The following ARGLU1 variants were observed in gnomAD, a reference collection of about 807,000 sequenced individuals.
ARGLU1 encodes the protein arginine and glutamate rich 1, also known as arginine and glutamate-rich protein 1.
Under a neutral mutation model 37.6 loss-of-function variants are expected in ARGLU1, and 9 were observed. The ratio of observed to expected loss-of-function variants is 0.24; its 90% CI spans 0.14 to 0.42. ARGLU1 has a LOEUF of 0.42. Ranked by LOEUF, ARGLU1 falls within the 10% of genes least tolerant of loss-of-function variation. The pLI, the probability that ARGLU1 is intolerant of heterozygous loss-of-function variation, is 1.00. For missense variants in ARGLU1, 211 were observed against 359.2 expected, an observed-to-expected ratio of 0.59 and a Z score of 3.34; for synonymous variants, 166 against 138.5, an observed-to-expected ratio of 1.20 and a Z score of -1.39.
rs1269451668 is a variant in ARGLU1 at position 106,543,024 on chromosome 13, C to G, written c.*972G>C. The G allele has an allele frequency of 6.6e-6, 1 of 151,904 alleles. No individual in the cohort carries two copies. Among genetic ancestry groups the G allele is most frequent in the Non-Finnish European group, 1.5e-5 (1 of 67,890 alleles). The allele number at this position is 151,904 out of a possible 1,614,324, so 9.4% of individuals were successfully genotyped here. A position where few individuals can be genotyped will look rare whatever the true frequency, so the allele number is the denominator to read the frequency against. ...ATTTTTCTAGCCTTTATTAAGTATA[C>G]TTTGTGATAATACTTATATCCTAAA... On this transcript the variant is annotated 3_prime_UTR_variant, in exon 4 of 4. Transcript: ENST00000400198.
intron 1 of ARGLU1, among the ~76,000 whole-genome samples, chr13:106,564,831 T>C (rs933392794): frequency 2.6e-5 from 4 of 152,136 alleles, no homozygotes; most frequent in Non-Finnish European, 5.9e-5. Context: ...TTATCCCCTT[T>C]CCCTCTCCCT....
intron 2 of ARGLU1, 110 bp downstream of exon 2, chr13:106,559,322 G>A: frequency 6.4e-7 from 1 of 1,552,608 alleles, no homozygotes; most frequent in Non-Finnish European, 8.7e-7. Flanking sequence ...AGACGAGAAA[G>A]GAATTAGATA....
chr13:106,551,476 T>G (rs1186296044), intron 3 of ARGLU1, among the ~76,000 whole-genome samples: 1 of 152,218 alleles, frequency 6.6e-6, no homozygotes, highest in African/African-American at 2.4e-5. Context: ...AAATCCATAT[T>G]TTTGCCAACA....
At chr13:106,550,101 T>C (rs1880498136) in intron 3 of ARGLU1, among the ~76,000 whole-genome samples, 4 of 152,198 alleles carry the variant, frequency 2.6e-5, no homozygotes, top group African/African-American at 9.6e-5. Context: ...TAGGGATACC[T>C]GGCATGAGTT....
chr13:106,542,933 G>A lies in ARGLU1; in HGVS notation c.*1063C>T, dbSNP rs1880298957. The A allele has an allele frequency of 6.6e-6, 1 of 151,792 alleles. No individual in the cohort carries two copies. Among genetic ancestry groups the A allele is most frequent in the Non-Finnish European group, 1.5e-5 (1 of 67,902 alleles). The allele number at this position is 151,792 out of a possible 1,614,324, so 9.4% of individuals were successfully genotyped here. On this transcript the variant is annotated 3_prime_UTR_variant, in exon 4 of 4. Coordinates refer to ENST00000400198, the MANE Select transcript of ARGLU1 (RefSeq NM_018011.4). ...CGACCATCTTAGCCTTTTTTTGACAGTATAAAGCTAAGTTCTTTCTGATGG... is the reference window on the plus strand; with the variant it reads ...CGACCATCTTAGCCTTTTTTTGACAATATAAAGCTAAGTTCTTTCTGATGG...
At position 106,544,082 on chromosome 13, in the gene ARGLU1, G is replaced by A. The variant is rs1200800227; in HGVS notation, c.736C>T (p.Arg246Cys). ...ATTTTTTGTTCTTCTTTTTGTTGAC[G>A]TTGTCGTTCTTGTTCTAGTTTCATC... Reference protein sequence around the residue: ...ERMKLEQERQRQQKEEQKIIL... With the variant: ...ERMKLEQERQCQQKEEQKIIL... Residue 246 changes from arginine to cysteine, a missense_variant, in exon 4 of 4, where the codon CGT becomes TGT. Arg to Cys is a radical substitution (Grantham distance 180). This residue lies in a region of ARGLU1 where 80 missense variants were observed against 158.4 expected (regional missense o/e 0.51). Coordinates refer to ENST00000400198, the MANE Select transcript of ARGLU1 (RefSeq NM_018011.4). The A allele has an allele frequency of 8.1e-6, 13 of 1,607,030 alleles. No homozygotes were observed. The highest frequency in any genetic ancestry group is 2.3e-5 in the East Asian group (1 of 44,296).
At chr13:106,558,283 T>C (rs1880707637) in intron 2 of ARGLU1, 1 of 984,148 alleles carries the variant, frequency 1.0e-6, no homozygotes, top group South Asian at 4.7e-5. Context: ...TTTTATAGTC[T>C]GTGAAACCCA....
intron 1 of ARGLU1, among the ~76,000 whole-genome samples, chr13:106,562,137 AG>A (rs1880823124): frequency 6.6e-6 from 1 of 152,238 alleles, no homozygotes; most frequent in African/African-American, 2.4e-5. Context: ...TGCAACAGGC[AG>A]GGTTCAGGGT....
At chr13:106,556,699 GCA>G (rs1447548094) in intron 3 of ARGLU1, among the ~76,000 whole-genome samples, 1 of 152,114 alleles carries the variant, frequency 6.6e-6, no homozygotes. Flanking sequence ...GTAAAATGCT[GCA>G]TATTATAGTT....
intron 1 of ARGLU1, among the ~76,000 whole-genome samples, chr13:106,561,426 C>A (rs7981490): frequency 7.3e-5 from 1 of 13,612 alleles, no homozygotes; most frequent in African/African-American, 2.2e-4. Flanking sequence ...ATAAAGTGTA[C>A]ACACACACAC....
intron 1 of ARGLU1, among the ~76,000 whole-genome samples, chr13:106,564,695 ACT>A (rs1426786275): frequency 6.6e-6 from 1 of 151,906 alleles, no homozygotes; most frequent in Non-Finnish European, 1.5e-5. Flanking sequence ...CATTCCATAT[ACT>A]CTCAAGGTTT....
rs1388138573 is a variant in ARGLU1 at position 106,543,923 on chromosome 13, A to G, written c.*73T>C. On this transcript the variant is annotated 3_prime_UTR_variant, in exon 4 of 4. Transcript: ENST00000400198. ...ATTAAAAAAACAAAAACAAAAACAA[A>G]AAACCACTTCAACATGAAGCTACCA... 6.9e-7 allele frequency: 1 copy of G among 1,455,250 alleles called. No individual in the cohort carries two copies. Among genetic ancestry groups the G allele is most frequent in the African/African-American group, 1.5e-5 (1 of 67,812 alleles). The allele number at this position is 1,455,250 out of a possible 1,614,324, so 90.1% of individuals were successfully genotyped here.
chr13:106,560,533 A>G (rs1379155091), intron 1 of ARGLU1, among the ~76,000 whole-genome samples: 1 of 152,232 alleles, frequency 6.6e-6, no homozygotes, highest in East Asian at 1.9e-4. Context: ...AAGAAAAAGA[A>G]TATAAATGAT....
In ARGLU1 at chr13:106,567,674, G is replaced by C; in HGVS notation, c.246C>G (p.Ile82Met). ...TGCTCACCGTGCGCCCGAAGATGTC[G>C]ATGCGGTCGGGCGGGGACGAGGCGC... Reference protein sequence around the residue: ...RERASSPPDRIDIFGRTVSKR... With the variant: ...RERASSPPDRMDIFGRTVSKR... The change falls in exon 1 of 4, where the codon ATC becomes ATG. Residue 82 changes from isoleucine (I) to methionine (M), a missense_variant. Around this residue, in one of 3 missense-constraint regions of ARGLU1, gnomAD observed 130 missense variants for 179.8 expected, o/e 0.72. Transcript: ENST00000400198. The surrounding 1 kb of genome is among the most constrained non-coding windows in gnomAD (Gnocchi z 4.3). The C allele has an allele frequency of 1.2e-6, 2 of 1,613,432 alleles. No individual in the cohort carries two copies. The highest frequency in any genetic ancestry group is 1.7e-6 in the Non-Finnish European group (2 of 1,179,662).
At position 106,567,239 on chromosome 13, in the gene ARGLU1, G is replaced by C. The variant is rs189650279; in HGVS notation, c.347+334C>G. ...GGCCGGCTCGCTCCCGGCCTCACAAGCCAACGCAGCTCTCCGACCTCACTC... is the reference window on the plus strand; with the variant it reads ...GGCCGGCTCGCTCCCGGCCTCACAACCCAACGCAGCTCTCCGACCTCACTC... On this transcript the variant is annotated intron_variant, in intron 1 of 3. Transcript: ENST00000400198. This position sits in a 1 kb window ranked among gnomAD's most constrained non-coding sequence, Gnocchi z 4.3. Among the ~76,000 whole-genome samples, 1 of 151,942 alleles carries C rather than the reference G, an allele frequency of 6.6e-6. No individual in the cohort carries two copies. The highest frequency in any genetic ancestry group is 1.5e-5 in the Non-Finnish European group (1 of 67,986).
intron 1 of ARGLU1, among the ~76,000 whole-genome samples, chr13:106,566,491 C>CT (rs1880967338): frequency 2.6e-5 from 4 of 152,192 alleles, no homozygotes; most frequent in Non-Finnish European, 5.9e-5. Context: ...CCAAGTACGG[C>CT]TGGTTCAATA....
In ARGLU1 at chr13:106,557,880, T is replaced by C. The variant is rs183876135; in HGVS notation, c.574-749A>G. The C allele has an allele frequency of 1.5e-4, 150 of 985,470 alleles. No individual in the cohort carries two copies. Among genetic ancestry groups the C allele is most frequent in the Admixed American group, 1.8e-4 (3 of 16,288 alleles). The allele number at this position is 985,470 out of a possible 1,614,324, so 61.0% of individuals were successfully genotyped here. On this transcript the variant is annotated intron_variant, in intron 2 of 3. Coordinates refer to ENST00000400198, the MANE Select transcript of ARGLU1 (RefSeq NM_018011.4). The surrounding 1 kb of genome is among the most constrained non-coding windows in gnomAD (Gnocchi z 5.0). The stretch of plus-strand genomic sequence containing the variant: ...GGAAAATGGACTTAACATTCAGATG[T>C]TGACAATTTCGGAAGGCAGCTTATA...
intron 3 of ARGLU1, among the ~76,000 whole-genome samples, chr13:106,553,990 G>A (rs1849966002): frequency 6.6e-6 from 1 of 151,990 alleles, no homozygotes; most frequent in African/African-American, 2.4e-5. Context: ...TACCCCAAAG[G>A]CCTTTGCCCT....
At chr13:106,556,138 A>T (rs1369354373) in intron 3 of ARGLU1, among the ~76,000 whole-genome samples, 1 of 152,264 alleles carries the variant, frequency 6.6e-6, no homozygotes, top group African/African-American at 2.4e-5. Flanking sequence ...AATATAACTT[A>T]GAATGACTCA....
Sources: gnomAD v4.1 joint callset for allele counts (sites outside exome capture counted in the v4.1 genomes callset) on GRCh38, gnomAD v4.1.1 for gene constraint, gnomAD v4.1.1 regional missense constraint, Gnocchi (gnomAD v3.1) non-coding constraint, MANE v1.5 for transcripts, NCBI Gene and HGNC (gene_info 2026-07-23, HGNC 2026-07-21) for gene names.